Variants in ABCC8 observed in about 807,000 individuals in gnomAD.
The protein encoded by ABCC8 is ATP binding cassette subfamily C member 8.
In ABCC8, 137 loss-of-function variants were observed where a neutral mutation model predicts 188.0. The ratio of observed to expected loss-of-function variants is 0.73; its 90% CI spans 0.63 to 0.84. The LOEUF is 0.84. Among genes scored for constraint, ABCC8 ranks in the 40% least tolerant of loss-of-function variants. The pLI is 0.00. For synonymous variants in ABCC8, 797 were observed against 846.5 expected, an observed-to-expected ratio of 0.94 and a Z score of 1.01; for missense variants, 1,750 against 2,072.7, an observed-to-expected ratio of 0.84 and a Z score of 3.02.
chr11:17,443,461 G>C, intron 8 of ABCC8, 149 bp from the exon 9 acceptor site: 13 of 1,332,596 alleles, frequency 9.8e-6, no homozygotes, highest in Non-Finnish European at 1.3e-5. Context: ...GGAGTGCAGG[G>C]AAGGAGGAGA....
intron 2 of ABCC8, among the ~76,000 whole-genome samples, chr11:17,472,944 C>T (rs1848558792): frequency 6.6e-6 from 1 of 152,222 alleles, no homozygotes; most frequent in Non-Finnish European, 1.5e-5. Context: ...AATGGCCACA[C>T]TGGGAACAGC....
At chr11:17,462,957 A>C (rs1847915834) in intron 4 of ABCC8, among the ~76,000 whole-genome samples, 1 of 152,154 alleles carries the variant, frequency 6.6e-6, no homozygotes. Flanking sequence ...AAACGAGTTC[A>C]TTAGTCTGGG....
rs767045180 is a variant in ABCC8 at position 17,443,332 on chromosome 11, T to C, written c.1333-20A>G. On this transcript the variant is annotated intron_variant, in intron 8 of 38. Transcript: ENST00000389817. ...AATGATCTGAGGAAGGGGTCATGGG[T>C]CAGGTCCCTTTGACCTGATGGTTGC... 2 of 1,613,752 alleles carry C rather than the reference T, an allele frequency of 1.2e-6. No homozygotes were observed. The highest frequency in any genetic ancestry group is 1.7e-6 in the Non-Finnish European group (2 of 1,179,998).
chr11:17,460,791 C>A, intron 5 of ABCC8, 115 bp from the exon 6 acceptor site: 1 of 1,542,392 alleles, frequency 6.5e-7, no homozygotes, highest in South Asian at 1.2e-5. Flanking sequence ...TGGTCACATC[C>A]TCTGCAAATA....
chr11:17,427,740 T>C lies in ABCC8; in HGVS notation c.2116+127A>G. ...AATGTAGCCTTCCCCTTCTATAATATACCCAGGGCATACACCAAGAATGAG... is the reference window on the plus strand; with the variant it reads ...AATGTAGCCTTCCCCTTCTATAATACACCCAGGGCATACACCAAGAATGAG... On this transcript the variant is annotated intron_variant, in intron 15 of 38. Transcript: ENST00000389817. This position sits in a 1 kb window ranked among gnomAD's most constrained non-coding sequence, Gnocchi z 5.0. 7.7e-7 allele frequency: 1 copy of C among 1,292,364 alleles called. No individual in the cohort carries two copies. Among genetic ancestry groups the C allele is most frequent in the Non-Finnish European group, 1.1e-6 (1 of 936,944 alleles). 80.1% of individuals were successfully genotyped at this position (1,292,364 alleles called of 1,614,324 possible).
intron 10 of ABCC8, 44 bp downstream of exon 10, chr11:17,442,676 T>C (rs749912846): frequency 2.5e-6 from 4 of 1,595,132 alleles, no homozygotes; most frequent in South Asian, 1.1e-5. Flanking sequence ...TCTCCTTGCA[T>C]GTACGCAGCA....
At chr11:17,470,046 C>T in intron 3 of ABCC8, 55 bp downstream of exon 3, 1 of 1,596,032 alleles carries the variant, frequency 6.3e-7, no homozygotes. Flanking sequence ...CCTCAGTAAA[C>T]ATTATCTGAA....
chr11:17,472,836 G>A (rs576351926), intron 2 of ABCC8, among the ~76,000 whole-genome samples: 6 of 152,134 alleles, frequency 3.9e-5, no homozygotes, highest in Admixed American at 1.3e-4. Flanking sequence ...TCCGGGCTCT[G>A]CACCCTGTCC....
intron 36 of ABCC8, chr11:17,394,952 C>T (rs919947203): frequency 6.5e-6 from 4 of 613,530 alleles, no homozygotes; most frequent in South Asian, 5.8e-5. Context: ...ACCCGCTGTA[C>T]CCTGCAGGAG....
At position 17,396,947 on chromosome 11, in the gene ABCC8, T is replaced by G; in HGVS notation, c.4088A>C (p.His1363Pro). 1.2e-6 allele frequency: 2 copies of G among 1,614,198 alleles called. No homozygotes were observed. Among genetic ancestry groups the G allele is most frequent in the Non-Finnish European group, 1.7e-6 (2 of 1,180,018 alleles). ...TCCAGGGGCGATGAGGGCATTGACG[T>G]GCTTCAGCACCGGCTTCAGGGAGCT... The part of the protein sequence containing the change: ...YDSSLKPVLK[H>P]VNALIAPGQK... Residue 1363 changes from histidine to proline, a missense_variant, in exon 33 of 39, where the codon CAC becomes CCC. Transcript: ENST00000389817.
chr11:17,470,371 G>T, intron 2 of ABCC8, 149 bp from the exon 3 acceptor site: 2 of 1,394,564 alleles, frequency 1.4e-6, no homozygotes. Context: ...GGCGTATTTG[G>T]GGTATGGGCT....
intron 7 of ABCC8, 119 bp from the exon 8 acceptor site, chr11:17,448,790 G>A: frequency 6.5e-7 from 1 of 1,548,700 alleles, no homozygotes; most frequent in Non-Finnish European, 8.9e-7. Context: ...GTGCCCTAGA[G>A]CAGCTCTGTA....
chr11:17,463,848 T>C (rs1277295706), intron 3 of ABCC8, among the ~76,000 whole-genome samples: 1 of 152,194 alleles, frequency 6.6e-6, no homozygotes, highest in Non-Finnish European at 1.5e-5. Context: ...CAGACAAATG[T>C]CCCTTAAAAA....
intron 3 of ABCC8, 29 bp from the exon 4 acceptor site, chr11:17,463,633 G>A (rs199525431): frequency 4.0e-4 from 631 of 1,558,474 alleles, no homozygotes; most frequent in Non-Finnish European, 5.3e-4. Context: ...AGATCGCAGA[G>A]ACGTGTGTGC....
intron 2 of ABCC8, among the ~76,000 whole-genome samples, chr11:17,472,007 G>A (rs559914256): frequency 1.3e-5 from 2 of 152,210 alleles, no homozygotes; most frequent in East Asian, 3.9e-4. Flanking sequence ...CAAAACTCTT[G>A]CCTCTTTACT....
At chr11:17,466,642 G>A (rs137886472) in intron 3 of ABCC8, among the ~76,000 whole-genome samples, 1,013 of 87,264 alleles carry the variant, frequency 0.012, 11 homozygotes, top group African/African-American at 0.04. Context: ...TTTGAGACAG[G>A]GTCTCACTCT....
At position 17,448,541 on chromosome 11, in the gene ABCC8, G is replaced by T. The variant is rs1029961232; in HGVS notation, c.1307C>A (p.Pro436Gln). Residue 436 changes from proline to glutamine, a missense_variant, in exon 8 of 39, where the codon CCA becomes CAA. By Grantham distance (76) the Pro-to-Gln change is moderately conservative. Coordinates refer to ENST00000389817, the MANE Select transcript of ABCC8 (RefSeq NM_000352.6). ...CTGTACTGGCATAGCCCAGAGGTTT[G>T]GGCACAAGAAGAAAAACCACATGAG... ...NQLMWFFFLC[P>Q]NLWAMPVQII... is the part of the protein sequence containing the mutation. 3.1e-6 allele frequency: 5 copies of T among 1,613,958 alleles called. No homozygotes were observed. Among genetic ancestry groups the T allele is most frequent in the Non-Finnish European group, 4.2e-6 (5 of 1,179,998 alleles).
chr11:17,463,732 A>C lies in ABCC8; in HGVS notation c.413-128T>G, dbSNP rs1425480926. On this transcript the variant is annotated intron_variant, in intron 3 of 38. Transcript: ENST00000389817. ...TGCCTGGGTGTGTACATTTCCGAGT[A>C]AGTGGATGTGCACGTGTGAATATAT... 1.2e-5 allele frequency: 15 copies of C among 1,225,012 alleles called. No individual in the cohort carries two copies. In the East Asian group the frequency reaches 3.8e-4, roughly 31 times the overall value. The allele number at this position is 1,225,012 out of a possible 1,614,324, so 75.9% of individuals were successfully genotyped here.
chr11:17,395,145 C>A (rs1375277745), intron 36 of ABCC8, 27 bp downstream of exon 36: 13 of 1,555,318 alleles, frequency 8.4e-6, no homozygotes, highest in Non-Finnish European at 1.1e-5. Flanking sequence ...GCCCAACCAA[C>A]CCAGCTGCAT....
Sources: gnomAD v4.1 joint callset for allele counts (sites outside exome capture counted in the v4.1 genomes callset) on GRCh38, gnomAD v4.1.1 for gene constraint, Gnocchi (gnomAD v3.1) non-coding constraint, MANE v1.5 for transcripts, NCBI Gene and HGNC (gene_info 2026-07-23, HGNC 2026-07-21) for gene names.